The following ZC3HAV1 variants were observed in gnomAD, a reference collection of about 807,000 sequenced individuals.
ZC3HAV1 encodes the protein zinc finger CCCH-type antiviral protein 1.
ZC3HAV1 carries 41 observed loss-of-function variants against 86.6 expected under a neutral mutation model. The ratio of observed to expected loss-of-function variants is 0.47; its 90% CI spans 0.37 to 0.61. The LOEUF is 0.61. Among genes scored for constraint, ZC3HAV1 ranks in the 20% least tolerant of loss-of-function variants. The pLI is 0.00. For missense variants in ZC3HAV1, 964 were observed against 1,141.1 expected, an observed-to-expected ratio of 0.84 and a Z score of 2.24; for synonymous variants, 421 against 432.1, an observed-to-expected ratio of 0.97 and a Z score of 0.32.
At chr7:139,097,428 A>ATATATTTTTTTTTTTTTTTTT in intron 1 of ZC3HAV1, among the ~76,000 whole-genome samples, 1 of 48,158 alleles carries the variant, frequency 2.1e-5, no homozygotes, top group African/African-American at 1.1e-4. Flanking sequence ...ATATATATAT[A>ATATATTTTTTTTTTTTTTTTT]TTTTTTTTTT....
At position 139,059,949 on chromosome 7, in the gene ZC3HAV1, C is replaced by T. The variant is rs144537911; in HGVS notation, c.2096+1087G>A. On this transcript the variant is annotated intron_variant, in intron 9 of 12. Transcript: ENST00000242351. ...AGCCCATTTTACAGATGAGGATATA[C>T]AGAGTGATTCATTTGTCCAAATCCA... 3.6e-4 allele frequency among the ~76,000 whole-genome samples: 55 copies of T among 152,248 alleles called. 2 individuals carry two copies. In the East Asian group the frequency reaches 0.011, roughly 29 times the overall value.
In ZC3HAV1 at chr7:139,053,554, T is replaced by G; in HGVS notation, c.2346A>C (p.Gly782=). ...TWKKSQMKEE[G]KLLFYATSRA... is the part of the protein sequence containing the mutation. ...GGCTTGTCGCATAAAATAGGAGTTT[T>G]CCTTCTTCCTTCATCTGCGATTTCT... Residue 782 remains glycine (G), a synonymous_variant, in exon 12 of 13, where the codon GGA becomes GGC. Coordinates refer to ENST00000242351, the MANE Select transcript of ZC3HAV1 (RefSeq NM_020119.4). 1 of 1,600,634 alleles carries G rather than the reference T, an allele frequency of 6.2e-7. No individual in the cohort carries two copies. The highest frequency in any genetic ancestry group is 8.5e-7 in the Non-Finnish European group (1 of 1,175,358).
chr7:139,044,997 C>T lies in ZC3HAV1; in HGVS notation c.*2597G>A, dbSNP rs1308388894. On this transcript the variant is annotated 3_prime_UTR_variant, in exon 13 of 13. Transcript: ENST00000242351. ...ATTTTCCCACATATGATCTGATCTC[C>T]TACCTTCTAAGTTCAAATTGATGCA... 1 of 152,198 alleles carries T rather than the reference C, an allele frequency of 6.6e-6. No individual in the cohort carries two copies. The highest frequency in any genetic ancestry group is 2.4e-5 in the African/African-American group (1 of 41,440). 9.4% of individuals were successfully genotyped at this position (152,198 alleles called of 1,614,324 possible). A position where few individuals can be genotyped will look rare whatever the true frequency, so the allele number is the denominator to read the frequency against.
chr7:139,047,950 C>T (rs757197307), intron 12 of ZC3HAV1, 97 bp from the exon 13 acceptor site: 5 of 1,261,246 alleles, frequency 4.0e-6, no homozygotes, highest in Non-Finnish European at 5.5e-6. Context: ...GTGGACTAAG[C>T]ATATGTCAAT....
chr7:139,067,376 C>A (rs1352222422), intron 7 of ZC3HAV1, among the ~76,000 whole-genome samples: 4 of 152,162 alleles, frequency 2.6e-5, no homozygotes, highest in Non-Finnish European at 5.9e-5. Context: ...GTTTCGAACT[C>A]CTGACCTCAG....
chr7:139,064,732 A>G, intron 8 of ZC3HAV1, 147 bp downstream of exon 8: 1 of 1,327,902 alleles, frequency 7.5e-7, no homozygotes. Context: ...AGGTCTTCTG[A>G]TGGCCACTAG....
intron 12 of ZC3HAV1, among the ~76,000 whole-genome samples, chr7:139,051,928 T>A (rs540596124): frequency 5.7e-4 from 87 of 152,308 alleles, no homozygotes; most frequent in Admixed American, 1.6e-3. Context: ...GAATCTGTGA[T>A]AAACTATTAC....
Position 139,080,056 on chromosome 7 carries a change from G to A in ZC3HAV1, c.885C>T (p.Arg295=). ...CCTGACTCCCCAGATACGTGAACTT[G>A]CGGGTGAGATCGTCCACAGGCGCGT... ...LEDAPVDDLT[R]KFTYLGSQDR... Residue 295 remains arginine (R), a synonymous_variant, in exon 4 of 13, where the codon CGC becomes CGT. Coordinates refer to ENST00000242351, the MANE Select transcript of ZC3HAV1 (RefSeq NM_020119.4). 2 of 1,614,208 alleles carry A rather than the reference G, an allele frequency of 1.2e-6. No homozygotes were observed. The highest frequency in any genetic ancestry group is 1.3e-5 in the African/African-American group (1 of 75,054).
intron 2 of ZC3HAV1, among the ~76,000 whole-genome samples, chr7:139,085,071 C>G (rs919316551): frequency 2.6e-5 from 4 of 152,180 alleles, no homozygotes; most frequent in African/African-American, 9.7e-5. Context: ...AGTGTGGTCC[C>G]CGGACCAGCA....
At chr7:139,055,437 C>A in intron 9 of ZC3HAV1, 142 bp from the exon 10 acceptor site, 2 of 587,440 alleles carry the variant, frequency 3.4e-6, no homozygotes, top group Non-Finnish European at 5.8e-6. Flanking sequence ...GGACTACATC[C>A]TCACATATTC....
chr7:139,075,069 G>A (rs1433786641), intron 6 of ZC3HAV1, among the ~76,000 whole-genome samples: 1 of 143,826 alleles, frequency 7.0e-6, no homozygotes, highest in East Asian at 2.4e-4. Flanking sequence ...CAACCAGTGG[G>A]GCTGGTGGGG....
Position 139,079,539 on chromosome 7 carries a change from C to G in ZC3HAV1, c.1402G>C (p.Ala468Pro). ...CCAGTGGCCTGGACATCTCGGGAAGCAGGTCCAGCATCCTGAATCCTAGGT... is the reference window on the plus strand; with the variant it reads ...CCAGTGGCCTGGACATCTCGGGAAGGAGGTCCAGCATCCTGAATCCTAGGT... ...SSPRIQDAGPASRDVQATGRI... is the reference protein window; with the variant it reads ...SSPRIQDAGPPSRDVQATGRI... Residue 468 changes from alanine to proline, a missense_variant, in exon 4 of 13, where the codon GCT (alanine) becomes CCT (proline). Transcript: ENST00000242351. 1 of 1,614,224 alleles carries G rather than the reference C, an allele frequency of 6.2e-7. No individual in the cohort carries two copies. The highest frequency in any genetic ancestry group is 8.5e-7 in the Non-Finnish European group (1 of 1,180,046).
At position 139,079,708 on chromosome 7, in the gene ZC3HAV1, C is replaced by G. The variant is rs890417827; in HGVS notation, c.1233G>C (p.Arg411Ser). The G allele has an allele frequency of 1.9e-5, 30 of 1,614,020 alleles. No individual in the cohort carries two copies. The Admixed American group carries it at 3.7e-4, about 20-fold the overall frequency. ...KGTGLLSSDY[R>S]IINGKSGTQD... Reference sequence around the variant, plus strand: ...GAGTTCCACTTTTGCCATTGATGATCCTGTAGTCTGAGGAAAGCAAGCCTG... The same window carrying G: ...GAGTTCCACTTTTGCCATTGATGATGCTGTAGTCTGAGGAAAGCAAGCCTG... Residue 411 changes from arginine to serine, a missense_variant, in exon 4 of 13, where the codon AGG (arginine) becomes AGC (serine). Physicochemically the swap from Arg to Ser is moderately radical, Grantham distance 110. Transcript: ENST00000242351.
At chr7:139,078,374 CA>C (rs201569292) in intron 5 of ZC3HAV1, among the ~76,000 whole-genome samples, 177 bp downstream of exon 5, 15 of 146,898 alleles carry the variant, frequency 1.0e-4, no homozygotes, top group Non-Finnish European at 1.5e-4. Context: ...AATAGTTCCT[CA>C]AAAAAAAAAA....
chr7:139,076,891 C>CA (rs372747341), intron 5 of ZC3HAV1, among the ~76,000 whole-genome samples: 104 of 129,648 alleles, frequency 8.0e-4, no homozygotes, highest in Admixed American at 1.6e-3. Flanking sequence ...AATTCTGTCT[C>CA]AAAAAAAAAA....
chr7:139,068,024 T>A (rs530152876), intron 7 of ZC3HAV1, among the ~76,000 whole-genome samples: 212 of 142,074 alleles, frequency 1.5e-3, no homozygotes, highest in African/African-American at 5.0e-3. Context: ...TCTTTCTTTC[T>A]TTATTATTAT....
Position 139,045,899 on chromosome 7 carries a change from C to CAA in ZC3HAV1, c.*1694_*1695insTT, listed in dbSNP as rs1491062003. The CAA allele has an allele frequency of 7.1e-4, 74 of 103,672 alleles. No individual in the cohort carries two copies. The highest frequency in any genetic ancestry group is 3.0e-3 in the African/African-American group (73 of 24,314). 6.4% of individuals were successfully genotyped at this position (103,672 alleles called of 1,614,324 possible). On this transcript the variant is annotated 3_prime_UTR_variant, in exon 13 of 13. Coordinates refer to ENST00000242351, the MANE Select transcript of ZC3HAV1 (RefSeq NM_020119.4). ...AGAAAATAACTCTACTCTAAAAAAA[C>CAA]TATTTTTTTTTTTTTTTTTTTTTTT...
intron 2 of ZC3HAV1, 44 bp from the exon 3 acceptor site, chr7:139,084,076 G>A: frequency 6.3e-7 from 1 of 1,593,970 alleles, no homozygotes. Context: ...ACACCTTCTT[G>A]TATTTGCCAA....
At chr7:139,071,563 C>T (rs1179327017) in intron 7 of ZC3HAV1, among the ~76,000 whole-genome samples, 1 of 152,184 alleles carries the variant, frequency 6.6e-6, no homozygotes, top group African/African-American at 2.4e-5. Context: ...AATTTTATTT[C>T]CACAGGCGCC....
Sources: gnomAD v4.1 joint callset for allele counts (sites outside exome capture counted in the v4.1 genomes callset) on GRCh38, gnomAD v4.1.1 for gene constraint, MANE v1.5 for transcripts, NCBI Gene and HGNC (gene_info 2026-07-23, HGNC 2026-07-21) for gene names.